GRIK1: variants seen among roughly 807,000 people sequenced by gnomAD.
GRIK1 encodes the protein glutamate receptor ionotropic, kainate 1.
In GRIK1, 69 loss-of-function variants were observed where a neutral mutation model predicts 105.7. That is an observed-to-expected ratio of 0.65 (90% CI 0.54 to 0.80). The LOEUF (loss-of-function observed/expected upper bound fraction) is 0.80. Ranked by LOEUF, GRIK1 falls within the 30% of genes least tolerant of loss-of-function variation. The pLI is 0.00. For missense variants in GRIK1, 1,109 were observed against 1,167.3 expected, an observed-to-expected ratio of 0.95 and a Z score of 0.73; for synonymous variants, 438 against 431.3, an observed-to-expected ratio of 1.02 and a Z score of -0.19.
At chr21:29,897,883 T>C (rs888681588) in intron 1 of GRIK1, among the ~76,000 whole-genome samples, 7 of 152,212 alleles carry the variant, frequency 4.6e-5, no homozygotes, top group African/African-American at 1.4e-4. Context: ...CATTTTGACA[T>C]ATATTTGAAT....
At chr21:29,938,106 T>C (rs1195444061) in intron 1 of GRIK1, among the ~76,000 whole-genome samples, 1 of 152,150 alleles carries the variant, frequency 6.6e-6, no homozygotes, top group African/African-American at 2.4e-5. Context: ...TAAAACCTAG[T>C]ATGTTCTGAA....
intron 1 of GRIK1, among the ~76,000 whole-genome samples, chr21:29,797,913 A>G (rs1196439201): frequency 6.6e-6 from 1 of 152,176 alleles, no homozygotes; most frequent in Admixed American, 6.5e-5. Context: ...TACACTCTTC[A>G]TGAAATTCAG....
At chr21:29,759,486 A>C (rs2065452674) in intron 1 of GRIK1, among the ~76,000 whole-genome samples, 1 of 152,172 alleles carries the variant, frequency 6.6e-6, no homozygotes, top group Non-Finnish European at 1.5e-5. Context: ...AATTTATATG[A>C]AACACCTGGT....
chr21:29,867,904 A>AAGAG (rs1491072291), intron 1 of GRIK1, among the ~76,000 whole-genome samples: 46 of 57,372 alleles, frequency 8.0e-4, no homozygotes, highest in African/African-American at 2.6e-3. Context: ...GAGAGAGAGA[A>AAGAG]AGAAAGAGAG....
chr21:29,912,149 G>A (rs1020664995), intron 1 of GRIK1, among the ~76,000 whole-genome samples: 2 of 152,034 alleles, frequency 1.3e-5, no homozygotes, highest in Non-Finnish European at 1.5e-5. Flanking sequence ...CAGGAGCATC[G>A]CCATCTTGCA....
intron 1 of GRIK1, among the ~76,000 whole-genome samples, chr21:29,789,463 G>T (rs896349829): frequency 1.3e-5 from 2 of 152,154 alleles, no homozygotes; most frequent in African/African-American, 4.8e-5. Context: ...AAAGAAAGAT[G>T]TCTCCTGTTT....
intron 1 of GRIK1, among the ~76,000 whole-genome samples, chr21:29,853,027 T>C (rs1569160678): frequency 6.6e-6 from 1 of 152,234 alleles, no homozygotes; most frequent in South Asian, 2.1e-4. Context: ...AGTACTATTT[T>C]GTGTCATTCT....
chr21:29,712,083 T>TACACACACAC (rs56017389), intron 1 of GRIK1, among the ~76,000 whole-genome samples: 19,118 of 135,002 alleles, frequency 0.14, 1,574 homozygotes, highest in Non-Finnish European at 0.17. Flanking sequence ...TATACATACA[T>TACACACACAC]ACACACACAC....
At position 29,925,420 on chromosome 21, in the gene GRIK1, A is replaced by C. The variant is rs80287815; in HGVS notation, c.118+13963T>G. Among the ~76,000 whole-genome samples, 123 of 152,306 alleles carry C rather than the reference A, an allele frequency of 8.1e-4. 1 individual carries two copies. In the East Asian group the frequency reaches 0.023, roughly 28 times the overall value. On this transcript the variant is annotated intron_variant, in intron 1 of 17. Coordinates refer to ENST00000327783, the MANE Select transcript of GRIK1 (RefSeq NM_001330994.2). Reference sequence around the variant, plus strand: ...CATCCTCATTAATGTATTTTATCAGATTATAATATATGTATTTTTATAAGC... The same window carrying C: ...CATCCTCATTAATGTATTTTATCAGCTTATAATATATGTATTTTTATAAGC...
chr21:29,788,685 C>T (rs1321535197), intron 1 of GRIK1, among the ~76,000 whole-genome samples: 2 of 152,128 alleles, frequency 1.3e-5, no homozygotes, highest in Admixed American at 6.5e-5. Flanking sequence ...TACCATAATG[C>T]AGAAATCAGT....
intron 1 of GRIK1, among the ~76,000 whole-genome samples, chr21:29,791,220 TC>T (rs1392778897): frequency 6.6e-6 from 1 of 152,096 alleles, no homozygotes; most frequent in East Asian, 1.9e-4. Context: ...GAGAAATTTA[TC>T]CTCAGTGTGA....
chr21:29,674,661 T>C (rs1275734733), intron 3 of GRIK1, among the ~76,000 whole-genome samples: 1 of 152,106 alleles, frequency 6.6e-6, no homozygotes, highest in Admixed American at 6.6e-5. Flanking sequence ...CCCCTTGCTC[T>C]CTCTCTCTCT....
intron 4 of GRIK1, among the ~76,000 whole-genome samples, chr21:29,666,221 T>C (rs1250965890): frequency 6.6e-6 from 1 of 152,222 alleles, no homozygotes; most frequent in South Asian, 2.1e-4. Context: ...CTGACCAACA[T>C]AGAGAAACCC....
chr21:29,720,186 C>T (rs2064284820), intron 1 of GRIK1, among the ~76,000 whole-genome samples: 3 of 152,132 alleles, frequency 2.0e-5, no homozygotes, highest in Admixed American at 2.0e-4. Context: ...TATTGTTAGA[C>T]CATCGTGTTT....
At chr21:29,595,354 T>TC (rs1406867654) in intron 9 of GRIK1, among the ~76,000 whole-genome samples, 1 of 151,658 alleles carries the variant, frequency 6.6e-6, no homozygotes, top group Non-Finnish European at 1.5e-5. Flanking sequence ...TTTTTTTTTT[T>TC]TTTCTTTTTC....
At chr21:29,905,875 A>G (rs537553146) in intron 1 of GRIK1, among the ~76,000 whole-genome samples, 1 of 151,904 alleles carries the variant, frequency 6.6e-6, no homozygotes, top group Non-Finnish European at 1.5e-5. Flanking sequence ...TGATCTCCCG[A>G]CCTCGGCCTC....
At chr21:29,937,238 T>C (rs2071791210) in intron 1 of GRIK1, among the ~76,000 whole-genome samples, 2 of 152,218 alleles carry the variant, frequency 1.3e-5, no homozygotes, top group South Asian at 2.1e-4. Flanking sequence ...CACAGTGTGC[T>C]AAACTGCTCA....
In GRIK1 at chr21:29,868,100, G is replaced by T. The variant is rs115306932; in HGVS notation, c.118+71283C>A. 3.4e-3 allele frequency among the ~76,000 whole-genome samples: 523 copies of T among 152,078 alleles called. 3 individuals carry two copies. The highest frequency in any genetic ancestry group is 0.012 in the African/African-American group (500 of 41,536). Reference sequence around the variant, plus strand: ...TAGGTGATGACGGGAGAGAAAGTAAGTTTCAAAAAAGAAGGTATGGGAAAA... The same window carrying T: ...TAGGTGATGACGGGAGAGAAAGTAATTTTCAAAAAAGAAGGTATGGGAAAA... On this transcript the variant is annotated intron_variant, in intron 1 of 17. Coordinates refer to ENST00000327783, the MANE Select transcript of GRIK1 (RefSeq NM_001330994.2).
intron 1 of GRIK1, among the ~76,000 whole-genome samples, chr21:29,883,885 A>G (rs2069514294): frequency 6.6e-6 from 1 of 152,038 alleles, no homozygotes; most frequent in Non-Finnish European, 1.5e-5. Flanking sequence ...GAAAGAAAAT[A>G]CCTAAGAGAA....
Sources: allele counts gnomAD v4.1 joint callset (sites outside exome capture counted in the v4.1 genomes callset), GRCh38; gene constraint gnomAD v4.1.1; transcripts MANE v1.5; gene names NCBI Gene and HGNC (gene_info 2026-07-23, HGNC 2026-07-21).